MORF4L1: variants seen among roughly 807,000 people sequenced by gnomAD.
MORF4L1 encodes mortality factor 4-like protein 1.
A neutral mutation model predicts 52.9 loss-of-function variants in MORF4L1; 4 were observed. The ratio of observed to expected loss-of-function variants is 0.08; its 90% CI spans 0.04 to 0.17. MORF4L1 has a LOEUF of 0.17. MORF4L1 is among the 10% of genes least tolerant of loss of function. The pLI, the probability that MORF4L1 is intolerant of heterozygous loss-of-function variation, is 1.00. For synonymous variants in MORF4L1, 123 were observed against 134.8 expected (o/e 0.91, Z 0.61); for missense variants, 214 against 390.4 (o/e 0.55, Z 3.81).
chr15:78,883,413 A>G (rs1333699060), intron 3 of MORF4L1, among the ~76,000 whole-genome samples: 2 of 152,258 alleles, frequency 1.3e-5, no homozygotes, highest in African/African-American at 4.8e-5. Flanking sequence ...AGATGTGTAC[A>G]GCGCAAAGAC....
chr15:78,891,402 G>T, intron 6 of MORF4L1, 82 bp from the exon 7 acceptor site: 1 of 1,016,406 alleles, frequency 9.8e-7, no homozygotes, highest in Non-Finnish European at 1.5e-6. Flanking sequence ...ATAATGAAAA[G>T]GGTTAATGTG....
chr15:78,893,662 G>A (rs1596252067), intron 9 of MORF4L1, 35 bp downstream of exon 9: 4 of 1,407,166 alleles, frequency 2.8e-6, no homozygotes, highest in Non-Finnish European at 2.9e-6. Flanking sequence ...ACACTCAAAA[G>A]ACATTTAAAA....
rs4778858 is a variant in MORF4L1 at position 78,879,669 on chromosome 15, C to T, written c.88-843C>T. 0.027 allele frequency among the ~76,000 whole-genome samples: 4,083 copies of T among 151,678 alleles called. 519 individuals carry two copies. The East Asian group carries it at 0.37, about 14-fold the overall frequency. ...TACGACTCATGGCCAGGGGCTGTGA[C>T]GTACAAGCCTGTAATCCCAGGGCTT... On this transcript the variant is annotated intron_variant, in intron 2 of 11. Transcript: ENST00000426013.
chr15:78,874,084 T>C (rs537847834), intron 1 of MORF4L1, among the ~76,000 whole-genome samples: 2 of 152,346 alleles, frequency 1.3e-5, no homozygotes, highest in East Asian at 3.9e-4. Context: ...GGCAGCTCTT[T>C]AAATTTTCAC....
chr15:78,875,904 GAA>G (rs1342306172), intron 1 of MORF4L1, among the ~76,000 whole-genome samples: 1 of 152,132 alleles, frequency 6.6e-6, no homozygotes, highest in Admixed American at 6.6e-5. Context: ...TAATGGTAGA[GAA>G]AAGAGTGGCG....
At chr15:78,884,271 T>C (rs2056655641) in intron 3 of MORF4L1, among the ~76,000 whole-genome samples, 1 of 151,592 alleles carries the variant, frequency 6.6e-6, no homozygotes, top group African/African-American at 2.4e-5. Flanking sequence ...CCCAGCACTT[T>C]GGGAGGCCTA....
At chr15:78,882,436 A>G (rs2056619613) in intron 3 of MORF4L1, among the ~76,000 whole-genome samples, 1 of 152,236 alleles carries the variant, frequency 6.6e-6, no homozygotes, top group African/African-American at 2.4e-5. Flanking sequence ...ATAATGGAGA[A>G]AACTGTCTTG....
At chr15:78,878,991 A>G (rs1218680445) in intron 2 of MORF4L1, among the ~76,000 whole-genome samples, 1 of 152,154 alleles carries the variant, frequency 6.6e-6, no homozygotes, top group East Asian at 1.9e-4. Flanking sequence ...AAATAGCCTT[A>G]AAGTGTCAGA....
chr15:78,878,463 C>T (rs759008961), intron 2 of MORF4L1, among the ~76,000 whole-genome samples: 10 of 152,114 alleles, frequency 6.6e-5, no homozygotes, highest in Non-Finnish European at 1.5e-4. Context: ...CTACTCTCTT[C>T]CACTTTTCTT....
intron 3 of MORF4L1, among the ~76,000 whole-genome samples, chr15:78,882,022 A>C (rs2056611681): frequency 1.3e-5 from 2 of 152,308 alleles, no homozygotes; most frequent in South Asian, 4.1e-4. Context: ...AGTTGTTTTC[A>C]CGTATCAGAT....
intron 9 of MORF4L1, 136 bp downstream of exon 9, chr15:78,893,763 A>C: frequency 3.0e-6 from 2 of 668,522 alleles, no homozygotes; most frequent in Non-Finnish European, 5.0e-6. Flanking sequence ...CTGCTTTGAC[A>C]CAGGAGTTGG....
chr15:78,894,285 A>C (rs2056847467), intron 10 of MORF4L1, 55 bp downstream of exon 10: 13 of 1,411,444 alleles, frequency 9.2e-6, no homozygotes, highest in Admixed American at 2.2e-5. Context: ...TCTTCTCTAA[A>C]TGAATAAGAG....
At chr15:78,896,682 G>GT (rs1423422860) in intron 11 of MORF4L1, among the ~76,000 whole-genome samples, 1 of 152,086 alleles carries the variant, frequency 6.6e-6, no homozygotes, top group Non-Finnish European at 1.5e-5. Context: ...GATAATAACT[G>GT]TTTCTTAAAG....
intron 11 of MORF4L1, among the ~76,000 whole-genome samples, chr15:78,896,355 A>G (rs1282994153): frequency 8.4e-6 from 1 of 118,998 alleles, no homozygotes; most frequent in Non-Finnish European, 1.6e-5. Flanking sequence ...ACGCTTGTCC[A>G]TGCTGGAGTA....
intron 3 of MORF4L1, among the ~76,000 whole-genome samples, chr15:78,881,954 T>C (rs2056610600): frequency 1.3e-5 from 2 of 152,208 alleles, no homozygotes; most frequent in African/African-American, 4.8e-5. Flanking sequence ...TTTGGTCTTG[T>C]TTCATCTAGT....
chr15:78,890,997 A>G lies in MORF4L1; in HGVS notation c.332A>G (p.Lys111Arg). Residue 111 changes from lysine to arginine, a missense_variant, in exon 6 of 12, where the codon AAA (lysine) becomes AGA (arginine). Physicochemically the swap from Lys to Arg is conservative, Grantham distance 26. Coordinates refer to ENST00000426013, the MANE Select transcript of MORF4L1 (RefSeq NM_006791.4). Reference protein sequence around the residue: ...LQQKNVEVKTKKNKQKTPGNG... With the variant: ...LQQKNVEVKTRKNKQKTPGNG... ...TTTTTCTCTCCTTTTAGGAAAACGA[A>G]AAAGAACAAACAGAAAAGTAAGAAT... The G allele has an allele frequency of 4.1e-6, 6 of 1,462,962 alleles. No individual in the cohort carries two copies. Among genetic ancestry groups the G allele is most frequent in the Non-Finnish European group, 3.7e-6 (4 of 1,087,686 alleles). 90.6% of individuals were successfully genotyped at this position (1,462,962 alleles called of 1,614,324 possible).
intron 3 of MORF4L1, among the ~76,000 whole-genome samples, chr15:78,885,242 A>G (rs567458742): frequency 1.3e-5 from 2 of 152,314 alleles, no homozygotes; most frequent in South Asian, 4.1e-4. Context: ...TTGAGAGTAC[A>G]CCTAATTGTG....
intron 5 of MORF4L1, among the ~76,000 whole-genome samples, chr15:78,889,372 T>C (rs2056760661): frequency 6.6e-6 from 1 of 152,214 alleles, no homozygotes; most frequent in East Asian, 1.9e-4. Context: ...ATGTTTGCGT[T>C]ATACTTACCT....
At chr15:78,887,382 A>T (rs761484613) in intron 5 of MORF4L1, 33 bp downstream of exon 5, 2 of 1,536,782 alleles carry the variant, frequency 1.3e-6, no homozygotes, top group African/African-American at 1.4e-5. Context: ...TTTGCATACT[A>T]TATGTGAAGA....
Sources: gnomAD v4.1 joint callset for allele counts (sites outside exome capture counted in the v4.1 genomes callset) on GRCh38, gnomAD v4.1.1 for gene constraint, MANE v1.5 for transcripts, NCBI Gene and HGNC (gene_info 2026-07-23, HGNC 2026-07-21) for gene names.